Variants in TMEM132D observed in about 807,000 individuals in gnomAD.
TMEM132D encodes the protein mature OL transmembrane protein.
In TMEM132D, 21 loss-of-function variants were observed where a neutral mutation model predicts 62.3. The ratio of observed to expected loss-of-function variants is 0.34; its 90% CI spans 0.24 to 0.49. The LOEUF (loss-of-function observed/expected upper bound fraction) is 0.49, where lower values mean the gene tolerates loss of function less well. TMEM132D is among the 20% of genes least tolerant of loss of function. The pLI, the probability that TMEM132D is intolerant of heterozygous loss-of-function variation, is 0.99. For synonymous variants in TMEM132D, 621 were observed against 575.6 expected (o/e 1.08, Z -1.13); for missense variants, 1,346 against 1,402.8 (o/e 0.96, Z 0.65).
At chr12:129,580,730 A>AAAAT (rs10623142) in intron 2 of TMEM132D, among the ~76,000 whole-genome samples, 69,155 of 123,824 alleles carry the variant, frequency 0.56, 16,965 homozygotes, top group East Asian at 0.93. Flanking sequence ...TAAGTAAATA[A>AAAAT]AAATAAATAA....
intron 2 of TMEM132D, among the ~76,000 whole-genome samples, chr12:129,644,053 C>G (rs1342254487): frequency 6.6e-6 from 1 of 152,124 alleles, no homozygotes; most frequent in Non-Finnish European, 1.5e-5. Flanking sequence ...CAGGGTTTCA[C>G]CATGTTGGCC....
intron 5 of TMEM132D, among the ~76,000 whole-genome samples, chr12:129,198,310 T>G (rs1593293296): frequency 6.6e-6 from 1 of 152,192 alleles, no homozygotes. Context: ...ATCCCACTTC[T>G]GGGTATATAC....
chr12:129,902,854 A>G (rs1387744041), intron 1 of TMEM132D, among the ~76,000 whole-genome samples: 1 of 152,184 alleles, frequency 6.6e-6, no homozygotes, highest in Admixed American at 6.5e-5. Flanking sequence ...AGGGAAAGTC[A>G]ATCCCAAATT....
rs570921708 is a variant in TMEM132D at position 129,421,976 on chromosome 12, G to T, written c.1116-84159C>A. Reference sequence around the variant, plus strand: ...ACAGAACAATGCCATCGTTCCCCCAGATTCTTTCCTTCTCCTGTGCCTTCG... The same window carrying T: ...ACAGAACAATGCCATCGTTCCCCCATATTCTTTCCTTCTCCTGTGCCTTCG... On this transcript the variant is annotated intron_variant, in intron 3 of 8. Coordinates refer to ENST00000422113, the MANE Select transcript of TMEM132D (RefSeq NM_133448.3). Among the ~76,000 whole-genome samples, 30 of 151,576 alleles carry T rather than the reference G, an allele frequency of 2.0e-4. 1 individual carries two copies. The South Asian group carries it at 6.3e-3, about 32-fold the overall frequency.
intron 3 of TMEM132D, among the ~76,000 whole-genome samples, chr12:129,477,173 T>C (rs12302067): frequency 0.029 from 4,354 of 152,288 alleles, 206 homozygotes; most frequent in African/African-American, 0.099. Flanking sequence ...CAACCCCGTC[T>C]CCTTGGTCGT....
At chr12:129,100,573 T>C (rs1209234967) in intron 5 of TMEM132D, among the ~76,000 whole-genome samples, 2 of 152,242 alleles carry the variant, frequency 1.3e-5, no homozygotes, top group African/African-American at 4.8e-5. Context: ...ACAAAGTTAC[T>C]GTAAAAAATC....
intron 4 of TMEM132D, among the ~76,000 whole-genome samples, chr12:129,240,644 G>A (rs1352247079): frequency 1.3e-5 from 2 of 152,168 alleles, no homozygotes; most frequent in South Asian, 2.1e-4. Flanking sequence ...ATTCACTTGC[G>A]TTATCATTGT....
intron 2 of TMEM132D, among the ~76,000 whole-genome samples, chr12:129,616,814 G>A (rs925326353): frequency 6.6e-6 from 1 of 152,276 alleles, no homozygotes; most frequent in African/African-American, 2.4e-5. Flanking sequence ...CATTAGCAGC[G>A]TGAGAATGGA....
intron 3 of TMEM132D, among the ~76,000 whole-genome samples, chr12:129,475,732 G>T (rs1186793513): frequency 6.6e-6 from 1 of 152,206 alleles, no homozygotes; most frequent in East Asian, 1.9e-4. Flanking sequence ...ATCCCACTCT[G>T]CAGGCGTCCA....
At chr12:129,483,282 A>G (rs543681040) in intron 3 of TMEM132D, among the ~76,000 whole-genome samples, 1 of 152,194 alleles carries the variant, frequency 6.6e-6, no homozygotes, top group African/African-American at 2.4e-5. Flanking sequence ...TGGGCTTCCT[A>G]TTAGAAGCTT....
At chr12:129,309,231 T>G (rs530571058) in intron 4 of TMEM132D, among the ~76,000 whole-genome samples, 1 of 152,328 alleles carries the variant, frequency 6.6e-6, no homozygotes, top group Non-Finnish European at 1.5e-5. Context: ...ATATATTCCC[T>G]CTGGTTCTTT....
In TMEM132D at chr12:129,288,844, A is replaced by T. The variant is rs377315431; in HGVS notation, c.1299+48790T>A. On this transcript the variant is annotated intron_variant, in intron 4 of 8. Transcript: ENST00000422113. The stretch of plus-strand genomic sequence containing the variant: ...GAAACAACCTAAATGTCCATCAGTG[A>T]ATGAGTAGATGAAGAAAGATTAGTA... 2.4e-4 allele frequency among the ~76,000 whole-genome samples: 36 copies of T among 152,360 alleles called. No homozygotes were observed. The Middle Eastern group carries it at 0.01, about 43-fold the overall frequency.
At chr12:129,237,779 G>C (rs968360096) in intron 4 of TMEM132D, among the ~76,000 whole-genome samples, 9 of 152,134 alleles carry the variant, frequency 5.9e-5, no homozygotes, top group African/African-American at 2.2e-4. Context: ...GGGAGTTTGA[G>C]ACCAGCCTGG....
intron 1 of TMEM132D, among the ~76,000 whole-genome samples, chr12:129,735,520 A>G (rs2137255270): frequency 6.6e-6 from 1 of 152,360 alleles, no homozygotes; most frequent in African/African-American, 2.4e-5. Context: ...GACCCTATAT[A>G]CTTACGAAAA....
At chr12:129,644,590 C>G (rs1232039688) in intron 2 of TMEM132D, among the ~76,000 whole-genome samples, 2 of 152,044 alleles carry the variant, frequency 1.3e-5, no homozygotes, top group African/African-American at 4.8e-5. Flanking sequence ...TTTTACAGTG[C>G]CGTTACAACA....
chr12:129,454,743 G>A (rs1419365262), intron 3 of TMEM132D, among the ~76,000 whole-genome samples: 1 of 152,184 alleles, frequency 6.6e-6, no homozygotes, highest in South Asian at 2.1e-4. Flanking sequence ...TCCACCATAA[G>A]AGGATTGACT....
intron 4 of TMEM132D, among the ~76,000 whole-genome samples, chr12:129,253,750 G>A (rs919063549): frequency 1.3e-5 from 2 of 152,092 alleles, no homozygotes; most frequent in Non-Finnish European, 2.9e-5. Flanking sequence ...TTGTGGCATG[G>A]GGAGGGACCT....
chr12:129,344,940 G>A (rs1481672300), intron 3 of TMEM132D, among the ~76,000 whole-genome samples: 1 of 152,082 alleles, frequency 6.6e-6, no homozygotes, highest in Non-Finnish European at 1.5e-5. Context: ...ATGTGGTTAC[G>A]TTTTGTTGCC....
intron 2 of TMEM132D, among the ~76,000 whole-genome samples, chr12:129,623,370 G>C (rs1879123317): frequency 6.6e-6 from 1 of 151,994 alleles, no homozygotes; most frequent in South Asian, 2.1e-4. Flanking sequence ...GGCTTTCACT[G>C]GACCTGTCAC....
Sources: gnomAD v4.1 joint callset for allele counts (sites outside exome capture counted in the v4.1 genomes callset) on GRCh38, gnomAD v4.1.1 for gene constraint, MANE v1.5 for transcripts, NCBI Gene and HGNC (gene_info 2026-07-23, HGNC 2026-07-21) for gene names.